Variants in DPP6 observed in about 807,000 individuals in gnomAD.
DPP6 encodes dipeptidyl peptidase like 6.
Under a neutral mutation model 122.6 loss-of-function variants are expected in DPP6, and 69 were observed. The ratio of observed to expected loss-of-function variants is 0.56; its 90% CI spans 0.46 to 0.69. The LOEUF (loss-of-function observed/expected upper bound fraction) is 0.69, where lower values mean the gene tolerates loss of function less well. Ranked by LOEUF, DPP6 falls within the 30% of genes least tolerant of loss-of-function variation. The probability of loss-of-function intolerance (pLI) is 0.00; values close to 1 mark genes in which losing one functional copy is unlikely to be tolerated. For synonymous variants in DPP6, 418 were observed against 433.1 expected, an observed-to-expected ratio of 0.97 and a Z score of 0.43; for missense variants, 928 against 1,116.9, an observed-to-expected ratio of 0.83 and a Z score of 2.41.
intron 1 of DPP6, among the ~76,000 whole-genome samples, chr7:154,401,373 C>T (rs1209656685): frequency 1.3e-5 from 2 of 152,072 alleles, no homozygotes; most frequent in Admixed American, 6.5e-5. Flanking sequence ...CCCAGAATCC[C>T]GTGGCTTAAC....
intron 1 of DPP6, among the ~76,000 whole-genome samples, chr7:154,031,860 T>G (rs113048234): frequency 1.6e-5 from 2 of 126,362 alleles, no homozygotes; most frequent in Non-Finnish European, 1.7e-5. Flanking sequence ...TCCTTTTTTT[T>G]GTTTTTTTTT....
intron 1 of DPP6, among the ~76,000 whole-genome samples, chr7:154,354,440 A>C (rs112525320): frequency 1.3e-5 from 2 of 152,198 alleles, no homozygotes; most frequent in Admixed American, 6.5e-5. Flanking sequence ...TCCTGAGCCT[A>C]AGCCACTGCA....
chr7:154,345,171 G>A (rs1810288301), intron 1 of DPP6, among the ~76,000 whole-genome samples: 1 of 152,108 alleles, frequency 6.6e-6, no homozygotes, highest in African/African-American at 2.4e-5. Flanking sequence ...TGTCTGGTGA[G>A]GGCTCTCTTC....
chr7:154,313,563 G>C lies in DPP6; in HGVS notation c.244-132651G>C, dbSNP rs1228317013. Among the ~76,000 whole-genome samples, 4 of 151,158 alleles carry C rather than the reference G, an allele frequency of 2.6e-5. No individual in the cohort carries two copies. The South Asian group carries it at 8.4e-4, about 32-fold the overall frequency. ...TTTCTGAATGTGATTATTTAATCTA[G>C]GCATGTTTTGATAGGTGAAAAAAGG... On this transcript the variant is annotated intron_variant, in intron 1 of 25. Coordinates refer to ENST00000377770, the MANE Select transcript of DPP6 (RefSeq NM_130797.4).
At chr7:153,954,583 T>C (rs528097994) in intron 1 of DPP6, among the ~76,000 whole-genome samples, 20 of 152,196 alleles carry the variant, frequency 1.3e-4, no homozygotes, top group Non-Finnish European at 2.6e-4. Flanking sequence ...GGGTGTTTTG[T>C]GTGAGTATTT....
chr7:153,804,358 T>C, the DPP6 span, among the ~76,000 whole-genome samples: 3 of 152,126 alleles, frequency 2.0e-5, no homozygotes, highest in Non-Finnish European at 4.4e-5. Context: ...CACCCACTAG[T>C]ACTTTTGATA....
intron 18 of DPP6, among the ~76,000 whole-genome samples, chr7:154,870,981 AAAAAT>A (rs1368369725): frequency 7.3e-6 from 1 of 136,510 alleles, no homozygotes; most frequent in African/African-American, 2.7e-5. Context: ...AAAAAAAAAA[AAAAAT>A]GTGTGTGTTA....
At chr7:154,322,560 T>C (rs762452578) in intron 1 of DPP6, among the ~76,000 whole-genome samples, 1 of 152,238 alleles carries the variant, frequency 6.6e-6, no homozygotes, top group Non-Finnish European at 1.5e-5. Flanking sequence ...TTACAAATAC[T>C]GTGAGACCTG....
chr7:154,777,836 G>C (rs757742387), intron 10 of DPP6, among the ~76,000 whole-genome samples: 9 of 152,084 alleles, frequency 5.9e-5, no homozygotes, highest in African/African-American at 2.2e-4. Context: ...AGCTGTGGGG[G>C]CTCACTCCTC....
intron 1 of DPP6, among the ~76,000 whole-genome samples, chr7:153,910,922 T>G (rs1010025659): frequency 3.3e-5 from 5 of 152,136 alleles, no homozygotes; most frequent in Non-Finnish European, 5.9e-5. Flanking sequence ...CTCTCCTACC[T>G]GGACTGCAAG....
At chr7:154,578,862 T>C (rs1379013514) in intron 5 of DPP6, among the ~76,000 whole-genome samples, 1 of 152,186 alleles carries the variant, frequency 6.6e-6, no homozygotes, top group African/African-American at 2.4e-5. Context: ...GCAGGGTTAT[T>C]CTTCCAATGG....
At chr7:154,127,686 C>G (rs1808039942) in intron 1 of DPP6, among the ~76,000 whole-genome samples, 1 of 150,940 alleles carries the variant, frequency 6.6e-6, no homozygotes. Flanking sequence ...CAAAACAGCT[C>G]TTTCTGAGGT....
chr7:154,588,977 T>A (rs1832644378), intron 5 of DPP6, among the ~76,000 whole-genome samples: 1 of 152,228 alleles, frequency 6.6e-6, no homozygotes, highest in Non-Finnish European at 1.5e-5. Context: ...CCTGAGTATT[T>A]GTTCCTAGGT....
At chr7:154,366,912 G>A (rs932901082) in intron 1 of DPP6, among the ~76,000 whole-genome samples, 53 of 152,174 alleles carry the variant, frequency 3.5e-4, no homozygotes, top group African/African-American at 1.3e-3. Context: ...AATATGATTG[G>A]CAGATGAATT....
chr7:154,051,518 C>A (rs1170693894), upstream of DPP6, among the ~76,000 whole-genome samples: 2 of 147,102 alleles, frequency 1.4e-5, no homozygotes, highest in Non-Finnish European at 1.5e-5. Flanking sequence ...GGTGTCCACA[C>A]AGGGGCGCTG....
intron 3 of DPP6, among the ~76,000 whole-genome samples, chr7:154,490,722 C>T (rs1824208326): frequency 6.6e-6 from 1 of 152,132 alleles, no homozygotes; most frequent in Non-Finnish European, 1.5e-5. Flanking sequence ...TAACGTGTTG[C>T]TGGTGTTTTC....
intron 1 of DPP6, among the ~76,000 whole-genome samples, chr7:154,066,411 C>G (rs1802728472): frequency 6.6e-6 from 1 of 152,196 alleles, no homozygotes; most frequent in African/African-American, 2.4e-5. Context: ...CTTGTCCCTA[C>G]TGAACAGAGC....
intron 1 of DPP6, among the ~76,000 whole-genome samples, chr7:153,926,169 C>T (rs979201205): frequency 8.5e-5 from 13 of 152,314 alleles, no homozygotes; most frequent in Admixed American, 7.8e-4. Context: ...CATGGTTGTT[C>T]CATCCTTATC....
At chr7:154,804,057 C>T (rs957420838) in intron 14 of DPP6, 102 bp downstream of exon 14, 1 of 1,353,972 alleles carries the variant, frequency 7.4e-7, no homozygotes, top group Admixed American at 2.0e-5. Flanking sequence ...CAGGAGGCCT[C>T]CTCTTTCCTC....
Sources: allele counts gnomAD v4.1 joint callset (sites outside exome capture counted in the v4.1 genomes callset), GRCh38; gene constraint gnomAD v4.1.1; transcripts MANE v1.5; gene names NCBI Gene and HGNC (gene_info 2026-07-23, HGNC 2026-07-21).